The following PSMA5 variants were observed in gnomAD, a reference collection of about 807,000 sequenced individuals.
The protein encoded by PSMA5 is proteasome 20S subunit alpha 5.
A neutral mutation model predicts 34.5 loss-of-function variants in PSMA5; 3 were observed. The ratio of observed to expected loss-of-function variants is 0.09; its 90% CI spans 0.04 to 0.22. The LOEUF is 0.22. PSMA5 is among the 10% of genes least tolerant of loss of function. The pLI is 1.00. For synonymous variants in PSMA5, 88 were observed against 95.8 expected (o/e 0.92, Z 0.47); for missense variants, 120 against 286.1 (o/e 0.42, Z 4.19).
At chr1:109,410,884 G>A (rs1244048990) in intron 7 of PSMA5, 127 bp downstream of exon 7, 1 of 685,014 alleles carries the variant, frequency 1.5e-6, no homozygotes, top group Non-Finnish European at 2.5e-6. Flanking sequence ...TGGTGGTGAT[G>A]AAAGTGTTAT....
At chr1:109,421,370 G>A (rs1235454643) in intron 2 of PSMA5, among the ~76,000 whole-genome samples, 1 of 151,770 alleles carries the variant, frequency 6.6e-6, no homozygotes, top group Non-Finnish European at 1.5e-5. Context: ...GGCTGAGGCA[G>A]GAAAATCACT....
Position 109,402,008 on chromosome 1 carries a change from A to T in PSMA5, c.*5T>A. The T allele has an allele frequency of 2.5e-6, 4 of 1,597,454 alleles. No individual in the cohort carries two copies. Among genetic ancestry groups the T allele is most frequent in the Non-Finnish European group, 3.4e-6 (4 of 1,166,706 alleles). On this transcript the variant is annotated 3_prime_UTR_variant, in exon 9 of 9. Transcript: ENST00000271308. Reference sequence around the variant, plus strand: ...TCCCAGAGAAGTTCTGAGGATCAGGATTCCTTAAATGTCCTTGATAACCTC... The same window carrying T: ...TCCCAGAGAAGTTCTGAGGATCAGGTTTCCTTAAATGTCCTTGATAACCTC...
At chr1:109,415,054 T>C in intron 3 of PSMA5, 183 bp downstream of exon 3, 1 of 599,144 alleles carries the variant, frequency 1.7e-6, no homozygotes, top group East Asian at 2.9e-5. Flanking sequence ...TGGGAGTAGG[T>C]TAAACATAAA....
chr1:109,424,701 G>T (rs11102981), intron 1 of PSMA5, among the ~76,000 whole-genome samples: 1 of 150,956 alleles, frequency 6.6e-6, no homozygotes. Context: ...TTAAACCCAG[G>T]CGGCAGGCCA....
chr1:109,426,345 G>A lies in PSMA5; in HGVS notation c.-15C>T. 6.2e-7 allele frequency: 1 copy of A among 1,614,140 alleles called. No homozygotes were observed. Among genetic ancestry groups the A allele is most frequent in the Non-Finnish European group, 8.5e-7 (1 of 1,180,008 alleles). ...GTAAGAAACATGGCGAGGGTAGGAG[G>A]AGGCAGCGGCTACGCGGGGATTCTG... On this transcript the variant is annotated 5_prime_UTR_variant, in exon 1 of 9. Coordinates refer to ENST00000271308, the MANE Select transcript of PSMA5 (RefSeq NM_002790.4).
At chr1:109,407,062 A>G (rs1001725263) in intron 8 of PSMA5, among the ~76,000 whole-genome samples, 1 of 152,080 alleles carries the variant, frequency 6.6e-6, no homozygotes, top group Non-Finnish European at 1.5e-5. Context: ...ATCTCGGCTC[A>G]CTGCAAGCTC....
At chr1:109,419,521 T>C (rs868275237) in intron 2 of PSMA5, among the ~76,000 whole-genome samples, 28 of 151,812 alleles carry the variant, frequency 1.8e-4, no homozygotes, top group African/African-American at 6.8e-4. Flanking sequence ...TACAAAAACT[T>C]AGGCCAGGCG....
intron 8 of PSMA5, among the ~76,000 whole-genome samples, chr1:109,409,163 T>C (rs1653900297): frequency 1.3e-5 from 2 of 152,190 alleles, no homozygotes; most frequent in Admixed American, 1.3e-4. Context: ...TCATTCTTTT[T>C]ATTTTATTTT....
chr1:109,412,271 G>A, intron 4 of PSMA5, 87 bp from the exon 5 acceptor site: 3 of 1,135,704 alleles, frequency 2.6e-6, no homozygotes, highest in Non-Finnish European at 2.6e-6. Context: ...CTTTAAACTG[G>A]GATTGAAAAC....
chr1:109,402,843 T>A (rs910134205), intron 8 of PSMA5, among the ~76,000 whole-genome samples: 3 of 152,112 alleles, frequency 2.0e-5, no homozygotes, highest in African/African-American at 7.2e-5. Context: ...GTAGCTGGGA[T>A]TACAGACATG....
At chr1:109,418,041 T>C (rs1654284965) in intron 2 of PSMA5, among the ~76,000 whole-genome samples, 1 of 151,842 alleles carries the variant, frequency 6.6e-6, no homozygotes, top group South Asian at 2.1e-4. Flanking sequence ...CTGGGCAACA[T>C]GGCAAAACTT....
chr1:109,408,203 G>A (rs535169143), intron 8 of PSMA5, among the ~76,000 whole-genome samples: 1 of 152,190 alleles, frequency 6.6e-6, no homozygotes, highest in East Asian at 1.9e-4. Flanking sequence ...TACCTCTCCA[G>A]TCTCATCCCT....
chr1:109,424,428 G>A (rs974666979), intron 1 of PSMA5, among the ~76,000 whole-genome samples: 4 of 151,960 alleles, frequency 2.6e-5, no homozygotes, highest in African/African-American at 9.7e-5. Flanking sequence ...ATCCTGCCTC[G>A]GCCTTCCAAA....
In PSMA5 at chr1:109,403,155, C is replaced by T. The variant is rs571533677; in HGVS notation, c.649-1065G>A. Among the ~76,000 whole-genome samples, 4 of 152,142 alleles carry T rather than the reference C, an allele frequency of 2.6e-5. No homozygotes were observed. In the South Asian group the frequency reaches 6.2e-4, roughly 24 times the overall value. Reference sequence around the variant, plus strand: ...AACAACAACAATAAAAAACTAGGGTCAGAAGATGGTTAATTTCAAATTTAA... The same window carrying T: ...AACAACAACAATAAAAAACTAGGGTTAGAAGATGGTTAATTTCAAATTTAA... On this transcript the variant is annotated intron_variant, in intron 8 of 8. Transcript: ENST00000271308.
intron 2 of PSMA5, among the ~76,000 whole-genome samples, chr1:109,418,350 T>G (rs1161380706): frequency 6.6e-6 from 1 of 152,070 alleles, no homozygotes; most frequent in Non-Finnish European, 1.5e-5. Context: ...AGGGTCTCAC[T>G]CTGTTGCCCA....
intron 8 of PSMA5, among the ~76,000 whole-genome samples, chr1:109,402,837 C>A (rs771858745): frequency 6.6e-6 from 1 of 152,180 alleles, no homozygotes; most frequent in Admixed American, 6.5e-5. Context: ...TCTCGAGTAG[C>A]TGGGATTACA....
intron 1 of PSMA5, among the ~76,000 whole-genome samples, chr1:109,423,421 T>G (rs1654526670): frequency 6.6e-6 from 1 of 151,992 alleles, no homozygotes; most frequent in African/African-American, 2.4e-5. Flanking sequence ...CCTGGGAGAG[T>G]GCTAAGCACA....
chr1:109,418,308 C>T (rs1218093648), intron 2 of PSMA5, among the ~76,000 whole-genome samples: 1 of 151,996 alleles, frequency 6.6e-6, no homozygotes, highest in East Asian at 1.9e-4. Flanking sequence ...AACAATCTGA[C>T]CAGTTCAAAA....
At chr1:109,416,183 ATC>A (rs1012832861) in intron 2 of PSMA5, among the ~76,000 whole-genome samples, 9 of 152,146 alleles carry the variant, frequency 5.9e-5, no homozygotes, top group Non-Finnish European at 7.4e-5. Flanking sequence ...CTCATCTTTA[ATC>A]TCTCTCAATG....
Sources: allele counts gnomAD v4.1 joint callset (sites outside exome capture counted in the v4.1 genomes callset), GRCh38; gene constraint gnomAD v4.1.1; transcripts MANE v1.5; gene names NCBI Gene and HGNC (gene_info 2026-07-23, HGNC 2026-07-21).